SERPINF1: variants seen among roughly 807,000 people sequenced by gnomAD.
SERPINF1 encodes pigment epithelium-derived factor.
In SERPINF1, 29 loss-of-function variants were observed where a neutral mutation model predicts 37.3. That is an observed-to-expected ratio of 0.78 (90% confidence interval 0.58 to 1.06). The LOEUF (loss-of-function observed/expected upper bound fraction) is 1.06, where lower values mean the gene tolerates loss of function less well. Among genes scored for constraint, SERPINF1 ranks in the 50% least tolerant of loss-of-function variants. SERPINF1 has a pLI of 0.00. For missense variants in SERPINF1, 553 were observed against 532.2 expected, an observed-to-expected ratio of 1.04 and a Z score of -0.38; for synonymous variants, 281 against 227.9, an observed-to-expected ratio of 1.23 and a Z score of -2.10.
rs1032797807 is a variant in SERPINF1, at chr17:1,766,825, C to T, written c.-8-78C>T. The T allele has an allele frequency of 7.8e-6, 11 of 1,405,056 alleles. No individual in the cohort carries two copies. In the African/African-American group the frequency reaches 8.6e-5, roughly 11 times the overall value. The allele number at this position is 1,405,056 out of a possible 1,614,324, so 87.0% of individuals were successfully genotyped here. On this transcript the variant is annotated intron_variant, in intron 1 of 7. Coordinates refer to ENST00000254722, the MANE Select transcript of SERPINF1 (RefSeq NM_002615.7). ...GCCCTGCCCAACCCCTGGGTCCTGG[C>T]TGGGGTGGCCAGGAAGGGGTAGCGG... is the stretch of plus-strand genomic sequence containing the variant.
intron 6 of SERPINF1, 135 bp downstream of exon 6, chr17:1,775,335 G>A: frequency 1.2e-6 from 1 of 868,458 alleles, no homozygotes; most frequent in Non-Finnish European, 1.8e-6. Flanking sequence ...CTTTGAGCAG[G>A]TTAATAACAT....
intron 3 of SERPINF1, chr17:1,770,432 C>A: frequency 2.9e-6 from 1 of 346,398 alleles, no homozygotes; most frequent in Non-Finnish European, 5.4e-6. Flanking sequence ...GGAACTAATA[C>A]CAGCTCACTA....
intron 5 of SERPINF1, 64 bp from the exon 6 acceptor site, chr17:1,774,994 C>A: frequency 6.2e-7 from 1 of 1,606,352 alleles, no homozygotes; most frequent in Non-Finnish European, 8.5e-7. Flanking sequence ...TCTGGGGACA[C>A]AGCATGGCGC....
Position 1,771,192 on chromosome 17 carries a change from G to A in SERPINF1, c.439+8G>A, listed in dbSNP as rs774900329. On this transcript the variant is annotated splice_region_variant and intron_variant, in intron 4 of 7. Coordinates refer to ENST00000254722, the MANE Select transcript of SERPINF1 (RefSeq NM_002615.7). ...GGATCGTCTTTGAGAAGAGTGAGTC[G>A]CCTTTGCAGCCCAAGTTGCCTGAGG... is the stretch of plus-strand genomic sequence containing the variant. 9.9e-6 allele frequency: 16 copies of A among 1,612,464 alleles called. No homozygotes were observed. Among genetic ancestry groups the A allele is most frequent in the South Asian group, 4.4e-5 (4 of 91,014 alleles).
chr17:1,770,265 T>C (rs1907648353), intron 3 of SERPINF1, among the ~76,000 whole-genome samples: 1 of 152,102 alleles, frequency 6.6e-6, no homozygotes, highest in Admixed American at 6.5e-5. Context: ...ACCACTGACA[T>C]GGCGCTTGGC....
At chr17:1,773,719 C>A (rs1907874828) in intron 5 of SERPINF1, among the ~76,000 whole-genome samples, 1 of 152,112 alleles carries the variant, frequency 6.6e-6, no homozygotes, top group Non-Finnish European at 1.5e-5. Flanking sequence ...AGTTCTGTAC[C>A]CAAGACATGG....
At chr17:1,764,161 G>A (rs1488890476) in intron 1 of SERPINF1, among the ~76,000 whole-genome samples, 2 of 152,222 alleles carry the variant, frequency 1.3e-5, no homozygotes, top group African/African-American at 2.4e-5. Context: ...TAGCCTGGGC[G>A]ACAAGAGTGA....
Position 1,775,107 on chromosome 17 carries a change from C to T in SERPINF1, c.693C>T (p.Phe231=). 2 of 1,614,038 alleles carry T rather than the reference C, an allele frequency of 1.2e-6. No homozygotes were observed. The highest frequency in any genetic ancestry group is 8.5e-7 in the Non-Finnish European group (1 of 1,180,022). Residue 231 remains phenylalanine (F), a synonymous_variant, in exon 6 of 8, where the codon TTC becomes TTT. Transcript: ENST00000254722. The part of the protein sequence containing the change: ...FDSRKTSLED[F]YLDEERTVRV... ...CCAGAAAGACTTCCCTCGAGGATTT[C>T]TACTTGGATGAAGAGAGGACCGTGA...
chr17:1,768,752 T>C (rs1046704796), intron 2 of SERPINF1, among the ~76,000 whole-genome samples: 3 of 151,834 alleles, frequency 2.0e-5, no homozygotes, highest in Admixed American at 2.0e-4. Flanking sequence ...GCTGGGATTA[T>C]AGGCATAAGC....
At chr17:1,771,679 G>A in intron 4 of SERPINF1, 193 bp from the exon 5 acceptor site, 1 of 646,588 alleles carries the variant, frequency 1.5e-6, no homozygotes, top group Non-Finnish European at 2.8e-6. Context: ...GTGGCGCGAT[G>A]TGGGGAAATC....
intron 1 of SERPINF1, among the ~76,000 whole-genome samples, chr17:1,765,527 G>C (rs549208923): frequency 1.4e-4 from 21 of 151,842 alleles, no homozygotes; most frequent in Non-Finnish European, 2.5e-4. Context: ...TCACCATGTT[G>C]GCCAGGCTGG....
chr17:1,768,768 C>G (rs1005023793), intron 2 of SERPINF1, among the ~76,000 whole-genome samples: 7 of 151,206 alleles, frequency 4.6e-5, no homozygotes, highest in Non-Finnish European at 1.0e-4. Flanking sequence ...TAAGCCACTG[C>G]ACCTGGCTCC....
chr17:1,768,092 C>T (rs1352087158), intron 2 of SERPINF1, among the ~76,000 whole-genome samples: 2 of 151,566 alleles, frequency 1.3e-5, no homozygotes, highest in Non-Finnish European at 1.5e-5. Context: ...GTACTACCTA[C>T]TTGGGAAGCT....
chr17:1,770,117 G>A (rs1567754349), intron 3 of SERPINF1, 67 bp downstream of exon 3: 5 of 1,550,884 alleles, frequency 3.2e-6, no homozygotes, highest in Non-Finnish European at 4.4e-6. Flanking sequence ...CTGCGTAAAC[G>A]TGGCTGAGTT....
chr17:1,771,137 C>G lies in SERPINF1; in HGVS notation c.392C>G (p.Ala131Gly), dbSNP rs148005190. The change falls in exon 4 of 8, where the codon GCC (alanine) becomes GGC (glycine). Residue 131 changes from alanine (A) to glycine (G), a missense_variant. Physicochemically the swap from Ala to Gly is moderately conservative, Grantham distance 60. Coordinates refer to ENST00000254722, the MANE Select transcript of SERPINF1 (RefSeq NM_002615.7). The stretch of plus-strand genomic sequence containing the variant: ...AAGGAGCTCCTTGACACGGTCACTG[C>G]CCCCCAGAAGAACCTCAAGAGTGCC... ...TYKELLDTVT[A>G]PQKNLKSASR... The G allele has an allele frequency of 6.2e-7, 1 of 1,613,758 alleles. No individual in the cohort carries two copies. The highest frequency in any genetic ancestry group is 8.5e-7 in the Non-Finnish European group (1 of 1,179,810).
At chr17:1,764,894 A>G (rs1907278795) in intron 1 of SERPINF1, among the ~76,000 whole-genome samples, 1 of 136,164 alleles carries the variant, frequency 7.3e-6, no homozygotes, top group Non-Finnish European at 1.5e-5. Flanking sequence ...CCCAGCCTGG[A>G]GTGCAGTGGC....
At chr17:1,771,642 G>A (rs550249088) in intron 4 of SERPINF1, 2 of 583,290 alleles carry the variant, frequency 3.4e-6, no homozygotes, top group Admixed American at 2.7e-5. Context: ...TGGGCTGCAG[G>A]AGACGGTGGG....
At chr17:1,773,540 G>A (rs375660411) in intron 5 of SERPINF1, among the ~76,000 whole-genome samples, 14 of 152,300 alleles carry the variant, frequency 9.2e-5, no homozygotes, top group East Asian at 5.8e-4. Flanking sequence ...GAGCCACTGC[G>A]CTGGCCAAAT....
chr17:1,764,403 T>C (rs1485641009), intron 1 of SERPINF1, among the ~76,000 whole-genome samples: 1 of 152,184 alleles, frequency 6.6e-6, no homozygotes, highest in Non-Finnish European at 1.5e-5. Flanking sequence ...GCTGTAGGCC[T>C]GGATGGTGGT....
Sources: allele counts gnomAD v4.1 joint callset (sites outside exome capture counted in the v4.1 genomes callset), GRCh38; gene constraint gnomAD v4.1.1; transcripts MANE v1.5; gene names NCBI Gene and HGNC (gene_info 2026-07-23, HGNC 2026-07-21).